The following MOB1B variants were observed in gnomAD, a reference collection of about 807,000 sequenced individuals.
MOB1B encodes the protein MOB kinase activator 1B, also known as MOB1 Mps One Binder homolog B.
MOB1B carries 19 observed loss-of-function variants against 24.4 expected under a neutral mutation model. The ratio of observed to expected loss-of-function variants is 0.78; its 90% CI spans 0.54 to 1.14. The LOEUF (loss-of-function observed/expected upper bound fraction) is 1.14. Ranked by LOEUF, MOB1B falls within the 50% of genes most tolerant of loss-of-function variation. The pLI, the probability that MOB1B is intolerant of heterozygous loss-of-function variation, is 0.00. For missense variants in MOB1B, 243 were observed against 259.6 expected, an observed-to-expected ratio of 0.94 and a Z score of 0.44; for synonymous variants, 76 against 82.1, an observed-to-expected ratio of 0.93 and a Z score of 0.40.
chr4:70,954,756 T>C, intron 1 of MOB1B, among the ~76,000 whole-genome samples: 1 of 133,906 alleles, frequency 7.5e-6, no homozygotes, highest in African/African-American at 2.8e-5. Context: ...GCCTGGCCGA[T>C]TTTCTTTTTT....
At position 70,913,259 on chromosome 4, in the gene MOB1B, GGTATGTAT is replaced by G. The variant is rs58774039; in HGVS notation, c.14+10746_14+10753del. ...TTCTTTTCTTATGTACGTTTGTATG[GGTATGTAT>G]GTATGTATGTATGTATGTATGTATG... On this transcript the variant is annotated intron_variant, in intron 1 of 5. Coordinates refer to ENST00000309395, the MANE Select transcript of MOB1B (RefSeq NM_173468.4). Among the ~76,000 whole-genome samples, 484 of 150,018 alleles carry G rather than the reference GGTATGTAT, an allele frequency of 3.2e-3. 2 individuals are homozygous for G. The highest frequency in any genetic ancestry group is 8.3e-3 in the African/African-American group (338 of 40,682).
intron 1 of MOB1B, among the ~76,000 whole-genome samples, chr4:70,914,862 T>G (rs1445719028): frequency 6.6e-6 from 1 of 152,164 alleles, no homozygotes; most frequent in East Asian, 1.9e-4. Context: ...CTCCTCTCCT[T>G]GGGGCTGTGT....
chr4:70,920,394 T>G (rs1254575749), intron 1 of MOB1B, among the ~76,000 whole-genome samples: 1 of 152,140 alleles, frequency 6.6e-6, no homozygotes, highest in Non-Finnish European at 1.5e-5. Flanking sequence ...CTGGCTAATT[T>G]TTGTATTTTT....
chr4:70,979,374 C>T (rs900608441), intron 5 of MOB1B, 83 bp downstream of exon 5: 3 of 1,097,800 alleles, frequency 2.7e-6, no homozygotes, highest in Non-Finnish European at 4.0e-6. Flanking sequence ...TTCACACTGT[C>T]AGGATGGAAT....
intron 1 of MOB1B, among the ~76,000 whole-genome samples, chr4:70,935,847 A>ATTTTTTTTTTTTTTTTT (rs11395356): frequency 3.0e-5 from 3 of 100,384 alleles, no homozygotes; most frequent in African/African-American, 1.2e-4. Flanking sequence ...TGGTACACTA[A>ATTTTTTTTTTTTTTTTT]TTTTTTTTTT....
At chr4:70,926,404 A>G (rs146414731) in intron 1 of MOB1B, among the ~76,000 whole-genome samples, 13 of 151,738 alleles carry the variant, frequency 8.6e-5, no homozygotes, top group Non-Finnish European at 1.8e-4. Context: ...CTTAGTTTCT[A>G]TTTCCTCTGC....
intron 2 of MOB1B, among the ~76,000 whole-genome samples, chr4:70,962,461 C>T (rs1336233127): frequency 2.0e-5 from 3 of 151,908 alleles, no homozygotes; most frequent in Non-Finnish European, 4.4e-5. Context: ...ATTTTTTCAA[C>T]AAATAGTGGT....
chr4:70,979,705 C>T (rs1739125809), intron 5 of MOB1B, among the ~76,000 whole-genome samples: 1 of 151,990 alleles, frequency 6.6e-6, no homozygotes. Flanking sequence ...GTTTTTTGTC[C>T]TTTTGTTTTT....
At chr4:70,967,991 A>G (rs1449074943) in intron 2 of MOB1B, among the ~76,000 whole-genome samples, 1 of 151,900 alleles carries the variant, frequency 6.6e-6, no homozygotes, top group Non-Finnish European at 1.5e-5. Context: ...AGGCATGACC[A>G]CCATGCCCAG....
At chr4:70,920,236 C>T (rs748692564) in intron 1 of MOB1B, among the ~76,000 whole-genome samples, 1 of 152,038 alleles carries the variant, frequency 6.6e-6, no homozygotes, top group Non-Finnish European at 1.5e-5. Context: ...CCTCCTCTTC[C>T]TCTTCCTCTC....
intron 1 of MOB1B, among the ~76,000 whole-genome samples, chr4:70,933,149 G>T (rs963311363): frequency 5.3e-5 from 8 of 152,108 alleles, no homozygotes; most frequent in Non-Finnish European, 1.2e-4. Context: ...GGTGACAGGA[G>T]AGAGAGAGAA....
intron 1 of MOB1B, among the ~76,000 whole-genome samples, chr4:70,911,951 C>G (rs1333403568): frequency 1.3e-5 from 2 of 148,978 alleles, no homozygotes; most frequent in East Asian, 3.9e-4. Flanking sequence ...GGCTGGAGTG[C>G]AAAGGCACTA....
chr4:70,962,945 A>G (rs1175231921), intron 2 of MOB1B, among the ~76,000 whole-genome samples: 1 of 152,188 alleles, frequency 6.6e-6, no homozygotes, highest in East Asian at 1.9e-4. Flanking sequence ...TGGAAGTTGC[A>G]GTGAGACAAG....
At chr4:70,929,335 C>T (rs766296928) in intron 1 of MOB1B, among the ~76,000 whole-genome samples, 4 of 151,776 alleles carry the variant, frequency 2.6e-5, no homozygotes, top group African/African-American at 7.3e-5. Context: ...TGTGCCACCA[C>T]GCCCGGCTAA....
chr4:70,973,835 G>C lies in MOB1B; in HGVS notation c.276-1318G>C, dbSNP rs145419403. On this transcript the variant is annotated intron_variant, in intron 3 of 5. Transcript: ENST00000309395. ...CAGGTATAGCTTGTTTAGTATTATT[G>C]TTCAGGTATAAGTAGTTCTGATTAA... 4.6e-3 allele frequency among the ~76,000 whole-genome samples: 699 copies of C among 152,220 alleles called. 9 individuals are homozygous for C. Among genetic ancestry groups the C allele is most frequent in the African/African-American group, 0.016 (669 of 41,520 alleles).
intron 1 of MOB1B, among the ~76,000 whole-genome samples, chr4:70,947,472 A>G (rs1240059475): frequency 6.6e-6 from 1 of 151,900 alleles, no homozygotes; most frequent in Non-Finnish European, 1.5e-5. Context: ...ATGGAGTCTT[A>G]CTATGTTGCT....
chr4:70,961,942 A>C (rs948364604), intron 2 of MOB1B, among the ~76,000 whole-genome samples: 1 of 152,214 alleles, frequency 6.6e-6, no homozygotes, highest in South Asian at 2.1e-4. Flanking sequence ...GAATATAAGG[A>C]GAGACTAGGT....
chr4:70,941,388 C>G (rs913355500), intron 1 of MOB1B, among the ~76,000 whole-genome samples: 2 of 152,210 alleles, frequency 1.3e-5, no homozygotes, highest in Non-Finnish European at 2.9e-5. Context: ...GTTGCCCAGG[C>G]TGGAGTGCAA....
intron 1 of MOB1B, among the ~76,000 whole-genome samples, chr4:70,915,040 C>T (rs1409138471): frequency 1.3e-5 from 2 of 152,134 alleles, no homozygotes; most frequent in South Asian, 2.1e-4. Context: ...TTAGCTCAAT[C>T]GATTGGACTT....
Sources: allele counts gnomAD v4.1 joint callset (sites outside exome capture counted in the v4.1 genomes callset), GRCh38; gene constraint gnomAD v4.1.1; transcripts MANE v1.5; gene names NCBI Gene and HGNC (gene_info 2026-07-23, HGNC 2026-07-21).